The following NFE2L3 variants were observed in gnomAD, a reference collection of about 807,000 sequenced individuals.
NFE2L3 encodes NFE2 like bZIP transcription factor 3.
In NFE2L3, 18 loss-of-function variants were observed where a neutral mutation model predicts 23.5. The ratio of observed to expected loss-of-function variants is 0.77; its 90% CI spans 0.53 to 1.13. The LOEUF is 1.13. Ranked by LOEUF, NFE2L3 falls within the 50% of genes most tolerant of loss-of-function variation. NFE2L3 has a pLI of 0.00. For synonymous variants in NFE2L3, 424 were observed against 354.5 expected, an observed-to-expected ratio of 1.20 and a Z score of -2.20; for missense variants, 1,152 against 877.2, an observed-to-expected ratio of 1.31 and a Z score of -3.96.
chr7:26,179,848 G>GTTTAAATATTATACAATTTAAATATT (rs1291495355), intron 2 of NFE2L3, among the ~76,000 whole-genome samples: 1 of 152,142 alleles, frequency 6.6e-6, no homozygotes, highest in Admixed American at 6.5e-5. Context: ...TTGACCACGC[G>GTTTAAATATTATACAATTTAAATATT]ATACATTTAA....
At chr7:26,172,244 T>C (rs746437648) in intron 1 of NFE2L3, among the ~76,000 whole-genome samples, 4 of 152,274 alleles carry the variant, frequency 2.6e-5, no homozygotes, top group Non-Finnish European at 5.9e-5. Context: ...GTGATTTTGC[T>C]ATGTAGGCAT....
chr7:26,166,383 G>T (rs1283459911), intron 1 of NFE2L3, among the ~76,000 whole-genome samples: 2 of 152,146 alleles, frequency 1.3e-5, no homozygotes, highest in Non-Finnish European at 2.9e-5. Context: ...AACCCAGCTG[G>T]AAGCCAGCCA....
chr7:26,183,377 G>A (rs1279031106), intron 2 of NFE2L3, among the ~76,000 whole-genome samples: 1 of 150,846 alleles, frequency 6.6e-6, no homozygotes, highest in Non-Finnish European at 1.5e-5. Flanking sequence ...GTGAAACCCT[G>A]TCTCTACTAA....
rs1583941327 is a variant in NFE2L3 at position 26,184,447 on chromosome 7, A to G, written c.835-86A>G. The G allele has an allele frequency of 6.4e-6, 8 of 1,251,620 alleles. No homozygotes were observed. The South Asian group carries it at 1.0e-4, about 16-fold the overall frequency. The allele number at this position is 1,251,620 out of a possible 1,614,324, so 77.5% of individuals were successfully genotyped here. ...CTATTAAATGTAGAGGAATTGACAA[A>G]AGAGGGGAAAGAAAGTTGTTAGGTA... On this transcript the variant is annotated intron_variant, in intron 3 of 3. Coordinates refer to ENST00000056233, the MANE Select transcript of NFE2L3 (RefSeq NM_004289.7).
rs754401908 is a variant in NFE2L3, at chr7:26,185,554, C to G, written c.1856C>G (p.Thr619Ser). 24 of 1,613,694 alleles carry G rather than the reference C, an allele frequency of 1.5e-5. No individual in the cohort carries two copies. The highest frequency in any genetic ancestry group is 1.9e-5 in the Non-Finnish European group (22 of 1,179,798). The change falls in exon 4 of 4, where the codon ACT becomes AGT. Residue 619 changes from threonine to serine, a missense_variant. Transcript: ENST00000056233. Reference protein sequence around the residue: ...DVCNLQAKKETLKREQAQCNK... With the variant: ...DVCNLQAKKESLKREQAQCNK... ...TGTAACTTGCAAGCAAAGAAGGAAA[C>G]TCTTAAGAGAGAGCAAGCACAATGT... is the stretch of plus-strand genomic sequence containing the variant.
chr7:26,155,409 T>G (rs1214647388), intron 1 of NFE2L3, among the ~76,000 whole-genome samples: 14 of 151,882 alleles, frequency 9.2e-5, no homozygotes, highest in Admixed American at 6.6e-4. Flanking sequence ...GCCACTGAAC[T>G]CCAGCCTGGG....
chr7:26,158,200 C>A lies in NFE2L3; in HGVS notation c.570+5132C>A, dbSNP rs575983038. 7.9e-5 allele frequency among the ~76,000 whole-genome samples: 12 copies of A among 152,244 alleles called. No individual in the cohort carries two copies. The East Asian group carries it at 2.1e-3, about 27-fold the overall frequency. ...AGTAGCTGAGATTACAGGCGCCTGC[C>A]ACCACGCCCAGCTAATTTTTTAATT... On this transcript the variant is annotated intron_variant, in intron 1 of 3. Transcript: ENST00000056233.
intron 2 of NFE2L3, among the ~76,000 whole-genome samples, chr7:26,183,422 G>A (rs987251578): frequency 6.6e-6 from 1 of 152,060 alleles, no homozygotes; most frequent in Admixed American, 6.5e-5. Flanking sequence ...GTGGTGCACA[G>A]CTGTAATCCC....
chr7:26,170,096 CAA>C (rs1784313854), intron 1 of NFE2L3, among the ~76,000 whole-genome samples: 1 of 152,172 alleles, frequency 6.6e-6, no homozygotes, highest in Non-Finnish European at 1.5e-5. Context: ...CTTACCCTCT[CAA>C]AAGTGGATGG....
intron 1 of NFE2L3, among the ~76,000 whole-genome samples, chr7:26,171,623 A>G (rs1784329156): frequency 6.6e-6 from 1 of 151,906 alleles, no homozygotes; most frequent in Non-Finnish European, 1.5e-5. Flanking sequence ...GATATTATCT[A>G]TGCCTTGAAT....
In NFE2L3 at chr7:26,172,842, C is replaced by T. The variant is rs6956411; in HGVS notation, c.571-5101C>T. Among the ~76,000 whole-genome samples, 952 of 152,214 alleles carry T rather than the reference C, an allele frequency of 6.3e-3. 11 individuals carry two copies. Among genetic ancestry groups the T allele is most frequent in the African/African-American group, 0.021 (890 of 41,522 alleles). ...TTTAGATGGTGTCTGCCAGATTTCT[C>T]CTGTAGTGTTATTATTTTTCTTTTT... On this transcript the variant is annotated intron_variant, in intron 1 of 3. Transcript: ENST00000056233.
Position 26,152,392 on chromosome 7 carries a change from T to G in NFE2L3, c.-107T>G. 4.0e-6 allele frequency: 3 copies of G among 756,258 alleles called. No individual in the cohort carries two copies. The highest frequency in any genetic ancestry group is 5.2e-6 in the Non-Finnish European group (3 of 576,120). 46.8% of individuals were successfully genotyped at this position (756,258 alleles called of 1,614,324 possible). On this transcript the variant is annotated 5_prime_UTR_variant, in exon 1 of 4. Coordinates refer to ENST00000056233, the MANE Select transcript of NFE2L3 (RefSeq NM_004289.7). This position sits in a 1 kb window ranked among gnomAD's most constrained non-coding sequence, Gnocchi z 4.4. ...CGGTCCATTGTTTCGCTTATCTGGG[T>G]TCCAGGCAGGTGCGGGCGGCGCGCG... is the stretch of plus-strand genomic sequence containing the variant.
In NFE2L3 at chr7:26,184,987, CCTCTG is replaced by C; in HGVS notation, c.1290_1294del (p.Ser431HisfsTer4). The stretch of plus-strand genomic sequence containing the variant: ...TCTTTAGATTCAAGTCACAATAATA[CCTCTG>C]TCATCAAGTCTAATTCCTCTCACTC... On this transcript the variant is annotated frameshift_variant, in exon 4 of 4. Transcript: ENST00000056233. LOFTEE classifies it low-confidence loss of function (END_TRUNC). 1.2e-6 allele frequency: 2 copies of C among 1,613,812 alleles called. No individual in the cohort carries two copies. The highest frequency in any genetic ancestry group is 3.3e-5 in the Admixed American group (2 of 60,002).
At position 26,152,596 on chromosome 7, in the gene NFE2L3, A is replaced by ACCTGCTGCTGCCGCCGCCCAC. The variant is rs756010143; in HGVS notation, c.107_127dup (p.Leu36_Leu42dup). On this transcript the variant is annotated inframe_insertion, in exon 1 of 4. Transcript: ENST00000056233. The surrounding 1 kb of genome is among the most constrained non-coding windows in gnomAD (Gnocchi z 4.4). ...GGGCTCCGCGTAGACCTAGATCTTT[A>ACCTGCTGCTGCCGCCGCCCAC]CCTGCTGCTGCCGCCGCCCACCCTG... 7.8e-6 allele frequency: 12 copies of ACCTGCTGCTGCCGCCGCCCAC among 1,546,780 alleles called. No homozygotes were observed. In the Admixed American group the frequency reaches 1.3e-4, roughly 17 times the overall value.
chr7:26,156,546 T>C (rs1467683232), intron 1 of NFE2L3, among the ~76,000 whole-genome samples: 3 of 152,210 alleles, frequency 2.0e-5, no homozygotes, highest in Non-Finnish European at 4.4e-5. Context: ...GCTGACACGC[T>C]TCCCTTCATA....
intron 2 of NFE2L3, among the ~76,000 whole-genome samples, chr7:26,183,078 C>A (rs1240639761): frequency 6.6e-6 from 1 of 152,026 alleles, no homozygotes; most frequent in Non-Finnish European, 1.5e-5. Flanking sequence ...TGAGCCACCA[C>A]ACCTGGCCAA....
At chr7:26,164,583 A>G (rs1204592339) in intron 1 of NFE2L3, among the ~76,000 whole-genome samples, 1 of 152,152 alleles carries the variant, frequency 6.6e-6, no homozygotes, top group African/African-American at 2.4e-5. Flanking sequence ...GTAGATTGCA[A>G]AAATTTTCCC....
intron 1 of NFE2L3, among the ~76,000 whole-genome samples, chr7:26,163,284 C>T (rs1562670354): frequency 6.6e-6 from 1 of 152,198 alleles, no homozygotes; most frequent in Non-Finnish European, 1.5e-5. Flanking sequence ...ATCCCCAAAT[C>T]ATAAGGACTC....
At chr7:26,167,940 T>C (rs904827306) in intron 1 of NFE2L3, among the ~76,000 whole-genome samples, 3 of 152,294 alleles carry the variant, frequency 2.0e-5, no homozygotes, top group African/African-American at 4.8e-5. Context: ...TTTTTAATTA[T>C]TTTTAATTTT....
Sources: gnomAD v4.1 joint callset for allele counts (sites outside exome capture counted in the v4.1 genomes callset) on GRCh38, gnomAD v4.1.1 for gene constraint, Gnocchi (gnomAD v3.1) non-coding constraint, MANE v1.5 for transcripts, NCBI Gene and HGNC (gene_info 2026-07-23, HGNC 2026-07-21) for gene names.